The following SYNE1 variants were observed in gnomAD, a reference collection of about 807,000 sequenced individuals.
SYNE1 encodes nesprin-1.
A neutral mutation model predicts 1,111.0 loss-of-function variants in SYNE1; 616 were observed. The observed-to-expected ratio is 0.55, with a 90% CI of 0.52 to 0.59. The LOEUF (loss-of-function observed/expected upper bound fraction) is 0.59. Among genes scored for constraint, SYNE1 ranks in the 20% least tolerant of loss-of-function variants. The pLI, the probability that SYNE1 is intolerant of heterozygous loss-of-function variation, is 0.00. For missense variants in SYNE1, 10,006 were observed against 10,417.0 expected, an observed-to-expected ratio of 0.96 and a Z score of 1.72; for synonymous variants, 3,855 against 3,825.8, an observed-to-expected ratio of 1.01 and a Z score of -0.28.
intron 11 of SYNE1, among the ~76,000 whole-genome samples, chr6:152,490,630 G>T (rs1470181444): frequency 1.3e-5 from 2 of 151,736 alleles, no homozygotes; most frequent in African/African-American, 4.9e-5. Context: ...CTATAAAACT[G>T]CCCCACCCCT....
rs76541810 is a variant in SYNE1, at chr6:152,272,259, A to T, written c.18574-2973T>A. Among the ~76,000 whole-genome samples, 558 of 152,324 alleles carry T rather than the reference A, an allele frequency of 3.7e-3. 1 individual carries two copies. Among genetic ancestry groups the T allele is most frequent in the African/African-American group, 8.9e-3 (371 of 41,572 alleles). ...CTGGGGATAAGAAGGTGCAGCCAGA[A>T]GGAATGTAATTATGGTAATTACTTT... On this transcript the variant is annotated intron_variant, in intron 98 of 145. Coordinates refer to ENST00000367255, the MANE Select transcript of SYNE1 (RefSeq NM_182961.4).
At chr6:152,497,075 T>C (rs1398206356) in intron 11 of SYNE1, among the ~76,000 whole-genome samples, 1 of 152,166 alleles carries the variant, frequency 6.6e-6, no homozygotes, top group Non-Finnish European at 1.5e-5. Flanking sequence ...CTGACTCCTT[T>C]TTCAAACTCA....
rs756182823 is a variant in SYNE1, at chr6:152,244,501, C to A, written c.19692+36G>T. 2.5e-6 allele frequency: 4 copies of A among 1,613,582 alleles called. No individual in the cohort carries two copies. In the South Asian group the frequency reaches 3.3e-5, roughly 13 times the overall value. ...TTTTCTAGACTTCAAGTTTGATGTA[C>A]CCCTGCAGCTGAATACTACTGGCTG... is the stretch of plus-strand genomic sequence containing the variant. On this transcript the variant is annotated intron_variant, in intron 106 of 145. Transcript: ENST00000367255.
chr6:152,349,356 A>C (rs570957681), intron 72 of SYNE1, among the ~76,000 whole-genome samples: 1 of 152,372 alleles, frequency 6.6e-6, no homozygotes, highest in Non-Finnish European at 1.5e-5. Flanking sequence ...ATGTCTTCAC[A>C]AATATTATCT....
Position 152,488,306 on chromosome 6 carries a change from T to C in SYNE1, c.1047+90A>G. 3 of 690,428 alleles carry C rather than the reference T, an allele frequency of 4.3e-6. No homozygotes were observed. In the Admixed American group the frequency reaches 7.6e-5, roughly 17 times the overall value. The allele number at this position is 690,428 out of a possible 1,614,324, so 42.8% of individuals were successfully genotyped here. ...TTAAAGACTTTTCTCATTAATGTAA[T>C]TTGAAGCATTAAATGGAGATCAAAT... On this transcript the variant is annotated intron_variant, in intron 12 of 145. Transcript: ENST00000367255.
Position 152,430,691 on chromosome 6 carries a change from C to CT in SYNE1, c.4479dup (p.Glu1494ArgfsTer3). ...CCTACAATGCTGCTGAGCTTACTTT[C>CT]TATTTCCTGAATTGTGACCTAATAG... On this transcript the variant is annotated frameshift_variant, in exon 35 of 146. Transcript: ENST00000367255. LOFTEE classifies it high-confidence loss of function. 6.2e-7 allele frequency: 1 copy of CT among 1,614,060 alleles called. No homozygotes were observed.
chr6:152,405,209 G>A (rs2097879664), intron 45 of SYNE1, among the ~76,000 whole-genome samples: 1 of 152,194 alleles, frequency 6.6e-6, no homozygotes, highest in South Asian at 2.1e-4. Flanking sequence ...CACAGACAGT[G>A]GGTAACATAA....
chr6:152,234,188 C>T (rs764394348), intron 111 of SYNE1, among the ~76,000 whole-genome samples: 6 of 152,172 alleles, frequency 3.9e-5, no homozygotes, highest in Non-Finnish European at 8.8e-5. Context: ...AGTCACTGAG[C>T]CCTATTACTT....
In SYNE1 at chr6:152,249,198, G is replaced by C. The variant is rs2088366359; in HGVS notation, c.19535C>G (p.Ala6512Gly). The C allele has an allele frequency of 6.2e-7, 1 of 1,613,782 alleles. No individual in the cohort carries two copies. The highest frequency in any genetic ancestry group is 8.5e-7 in the Non-Finnish European group (1 of 1,179,854). The change falls in exon 105 of 146, where the codon GCA (alanine) becomes GGA (glycine). Residue 6512 changes from alanine to glycine, a missense_variant. Around this residue, in one of 7 missense-constraint regions of SYNE1, gnomAD observed 2,182 missense variants for 2,287.8 expected, o/e 0.95. Transcript: ENST00000367255. ...TGCTACGGGCTGTTCAAACACATTT[G>C]CCAGTTTTTGCAGAATGATGTATTT... ...DNKYIILQKLANVFEQPVAEQ... is the reference protein window; with the variant it reads ...DNKYIILQKLGNVFEQPVAEQ...
chr6:152,164,231 G>T lies in SYNE1; in HGVS notation c.23722C>A (p.Leu7908Met). The change falls in exon 131 of 146, where the codon CTG becomes ATG. Residue 7908 changes from leucine to methionine, a missense_variant. Coordinates refer to ENST00000367255, the MANE Select transcript of SYNE1 (RefSeq NM_182961.4). ...GAATCGTAGACTATTGGCTTGGCCA[G>T]CTCTGACTCGATGTGAGCGAGCCAG... ...RTWLAHIESE[L>M]AKPIVYDSCN... The T allele has an allele frequency of 1.9e-6, 3 of 1,614,162 alleles. No homozygotes were observed. Among genetic ancestry groups the T allele is most frequent in the Non-Finnish European group, 2.5e-6 (3 of 1,180,050 alleles).
chr6:152,346,593 G>A (rs749058646), intron 73 of SYNE1, among the ~76,000 whole-genome samples: 1 of 152,036 alleles, frequency 6.6e-6, no homozygotes, highest in Non-Finnish European at 1.5e-5. Context: ...GGCGGATCAC[G>A]AGGTCAGGAG....
chr6:152,556,753 C>T (rs745526485), intron 3 of SYNE1, among the ~76,000 whole-genome samples: 3 of 152,160 alleles, frequency 2.0e-5, no homozygotes, highest in Admixed American at 1.3e-4. Context: ...GCATGCCTAT[C>T]CATGAACCCT....
At position 152,352,048 on chromosome 6, in the gene SYNE1, T is replaced by G. The variant is rs1289897548; in HGVS notation, c.11559A>C (p.Lys3853Asn). The G allele has an allele frequency of 1.2e-6, 2 of 1,614,142 alleles. No homozygotes were observed. Among genetic ancestry groups the G allele is most frequent in the South Asian group, 1.1e-5 (1 of 91,068 alleles). The change falls in exon 70 of 146, where the codon AAA becomes AAC. Residue 3853 changes from lysine to asparagine, a missense_variant. By Grantham distance (94) the Lys-to-Asn change is moderately conservative. Coordinates refer to ENST00000367255, the MANE Select transcript of SYNE1 (RefSeq NM_182961.4). The part of the protein sequence containing the change: ...EEPKMELYEK[K>N]AQLSKYKSLQ... ...CTACCTTGTATTTAGATAACTGAGC[T>G]TTTTTCTCATATAATTCCATTTTGG...
chr6:152,560,598 T>C (rs1273806177), intron 3 of SYNE1, among the ~76,000 whole-genome samples: 1 of 152,142 alleles, frequency 6.6e-6, no homozygotes, highest in Non-Finnish European at 1.5e-5. Context: ...AAGGCCAGCA[T>C]TACTCTCATA....
intron 14 of SYNE1, among the ~76,000 whole-genome samples, chr6:152,476,598 G>A (rs1229536953): frequency 6.6e-6 from 1 of 152,146 alleles, no homozygotes; most frequent in Non-Finnish European, 1.5e-5. Context: ...ATGGGGCTGG[G>A]TGCTGCAGCT....
In SYNE1 at chr6:152,353,198, G is replaced by T. The variant is rs1010658022; in HGVS notation, c.11253+65C>A. 1.9e-6 allele frequency: 3 copies of T among 1,574,018 alleles called. No homozygotes were observed. In the Admixed American group the frequency reaches 5.0e-5, roughly 26 times the overall value. ...GATCACCTGTGTTTCCAGTATCTATGCAGGAGAATGGGGCAGCTTGGTGAA... is the reference window on the plus strand; with the variant it reads ...GATCACCTGTGTTTCCAGTATCTATTCAGGAGAATGGGGCAGCTTGGTGAA... On this transcript the variant is annotated intron_variant, in intron 69 of 145. Transcript: ENST00000367255.
At chr6:152,304,711 A>T (rs528482910) in intron 91 of SYNE1, among the ~76,000 whole-genome samples, 1 of 152,160 alleles carries the variant, frequency 6.6e-6, no homozygotes, top group Non-Finnish European at 1.5e-5. Context: ...TCCCTGCTAC[A>T]GTATCCTGCA....
At position 152,321,317 on chromosome 6, in the gene SYNE1, A is replaced by G. The variant is rs2095864751; in HGVS notation, c.16157T>C (p.Leu5386Ser). The change falls in exon 84 of 146, where the codon TTA becomes TCA. Residue 5386 changes from leucine (L) to serine (S), a missense_variant. Physicochemically the swap from Leu to Ser is moderately radical, Grantham distance 145. This residue lies in a region of SYNE1 where 4,955 missense variants were observed against 5,017.2 expected (regional missense o/e 0.99). Coordinates refer to ENST00000367255, the MANE Select transcript of SYNE1 (RefSeq NM_182961.4). ...AGAAGGTAATATGGTATAAAGACCT[A>G]AGTACTTCTCCTTCTGTTCTTCTGC... is the stretch of plus-strand genomic sequence containing the variant. The part of the protein sequence containing the change: ...KMAEEQKEKY[L>S]GLYTILPSEL... 6.2e-7 allele frequency: 1 copy of G among 1,613,884 alleles called. No homozygotes were observed. The highest frequency in any genetic ancestry group is 8.5e-7 in the Non-Finnish European group (1 of 1,179,872).
intron 55 of SYNE1, among the ~76,000 whole-genome samples, chr6:152,382,671 A>G (rs763358917): frequency 4.6e-5 from 7 of 152,312 alleles, no homozygotes; most frequent in Admixed American, 1.3e-4. Flanking sequence ...AAAAAAATCT[A>G]ACTTTTTAAC....
Sources: gnomAD v4.1 joint callset for allele counts (sites outside exome capture counted in the v4.1 genomes callset) on GRCh38, gnomAD v4.1.1 for gene constraint, gnomAD v4.1.1 regional missense constraint, MANE v1.5 for transcripts, NCBI Gene and HGNC (gene_info 2026-07-23, HGNC 2026-07-21) for gene names.